ACAP3: variants seen among roughly 807,000 people sequenced by gnomAD.
The protein encoded by ACAP3 is ArfGAP with coiled-coil, ankyrin repeat and PH domains 3, also known as arf-GAP with coiled-coil, ANK repeat and PH domain-containing protein 3.
In ACAP3, 56 loss-of-function variants were observed where a neutral mutation model predicts 104.1. The ratio of observed to expected loss-of-function variants is 0.54; its 90% CI spans 0.43 to 0.67. ACAP3 has a LOEUF of 0.67. Among genes scored for constraint, ACAP3 ranks in the 30% least tolerant of loss-of-function variants. The probability of loss-of-function intolerance (pLI) is 0.00; values close to 1 mark genes in which losing one functional copy is unlikely to be tolerated. For missense variants in ACAP3, 1,208 were observed against 1,174.9 expected, an observed-to-expected ratio of 1.03 and a Z score of -0.41; for synonymous variants, 628 against 496.2, an observed-to-expected ratio of 1.27 and a Z score of -3.53.
chr1:1,304,398 C>A (rs1341485190), intron 1 of ACAP3: 2 of 580,528 alleles, frequency 3.4e-6, no homozygotes, highest in Admixed American at 6.1e-5. Flanking sequence ...CCAGCCTCTC[C>A]CAGGACAGCC....
Position 1,296,060 on chromosome 1 carries a change from T to TG in ACAP3, c.1456dup (p.Gln486ProfsTer3). Reference sequence around the variant, plus strand: ...TTTCCTGCTGCCTGCACCCTCACACTGGGCCTCATAGATCTGATTCACAGC... The same window carrying TG: ...TTTCCTGCTGCCTGCACCCTCACACTGGGGCCTCATAGATCTGATTCACAGC... On this transcript the variant is annotated frameshift_variant, in exon 17 of 24. Coordinates refer to ENST00000354700, the MANE Select transcript of ACAP3 (RefSeq NM_030649.3). LOFTEE classifies it high-confidence loss of function. The TG allele has an allele frequency of 6.2e-7, 1 of 1,612,778 alleles. No individual in the cohort carries two copies. The highest frequency in any genetic ancestry group is 8.5e-7 in the Non-Finnish European group (1 of 1,179,964).
At chr1:1,297,665 G>A (rs183831509) in intron 14 of ACAP3, among the ~76,000 whole-genome samples, 157 bp downstream of exon 14, 13 of 88,402 alleles carry the variant, frequency 1.5e-4, no homozygotes, top group Non-Finnish European at 2.1e-4. Context: ...GTGCACAGGC[G>A]CGGGGCAGGG....
At chr1:1,304,334 A>T (rs1364474688) in intron 1 of ACAP3, 191 bp from the exon 2 acceptor site, 7 of 578,828 alleles carry the variant, frequency 1.2e-5, no homozygotes, top group Non-Finnish European at 1.9e-5. Flanking sequence ...CCGCCCCCCC[A>T]ACCCCAGGCA....
rs1311487986 is a variant in ACAP3 at position 1,303,248 on chromosome 1, C to T, written c.139G>A (p.Gly47Ser). The part of the protein sequence containing the change: ...VKLCSGMVEA[G>S]KAYVSTSRLF... Reference sequence around the variant, plus strand: ...CTGCTGGTGCTGACGTAGGCCTTACCGGCTTCCACCATGCCACTGCACAGC... The same window carrying T: ...CTGCTGGTGCTGACGTAGGCCTTACTGGCTTCCACCATGCCACTGCACAGC... The change falls in exon 3 of 24, where the codon GGT (glycine) becomes AGT (serine). Residue 47 changes from glycine (G) to serine (S), a missense_variant. Physicochemically the swap from Gly to Ser is moderately conservative, Grantham distance 56. Coordinates refer to ENST00000354700, the MANE Select transcript of ACAP3 (RefSeq NM_030649.3). This position sits in a 1 kb window ranked among gnomAD's most constrained non-coding sequence, Gnocchi z 4.0. 1.9e-6 allele frequency: 3 copies of T among 1,600,640 alleles called. No individual in the cohort carries two copies. Among genetic ancestry groups the T allele is most frequent in the Non-Finnish European group, 2.6e-6 (3 of 1,174,706 alleles).
In ACAP3 at chr1:1,295,839, C is replaced by T. The variant is rs374550938; in HGVS notation, c.1602G>A (p.Arg534=). The T allele has an allele frequency of 3.7e-5, 59 of 1,611,302 alleles. No individual in the cohort carries two copies. The Admixed American group carries it at 4.3e-4, about 12-fold the overall frequency. The change falls in exon 18 of 24, where the codon AGG becomes AGA. Residue 534 remains arginine, a synonymous_variant. Transcript: ENST00000354700. ...TGTGGGGCCGCAGGCACTTCTGCACCCTCCAGCGTCTTGGGGCCTCCAGGG... is the reference window on the plus strand; with the variant it reads ...TGTGGGGCCGCAGGCACTTCTGCACTCTCCAGCGTCTTGGGGCCTCCAGGG... The part of the protein sequence containing the change: ...APALEAPRRW[R]VQKCLRPHSS...
At chr1:1,298,700 C>G in intron 10 of ACAP3, 21 bp from the exon 11 acceptor site, 1 of 1,575,018 alleles carries the variant, frequency 6.3e-7, no homozygotes. Flanking sequence ...GGAACCCGCC[C>G]CCTCAGTGCC....
In ACAP3 at chr1:1,296,202, C is replaced by G; in HGVS notation, c.1407+9G>C. On this transcript the variant is annotated intron_variant, in intron 16 of 23. Coordinates refer to ENST00000354700, the MANE Select transcript of ACAP3 (RefSeq NM_030649.3). ...GGGGTCCCGTGGCCTCCAGGAGCCC[C>G]ACACGCACCTTTAGCAGCTCAGGCT... 6.3e-7 allele frequency: 1 copy of G among 1,583,332 alleles called. No homozygotes were observed. The highest frequency in any genetic ancestry group is 8.6e-7 in the Non-Finnish European group (1 of 1,164,196).
chr1:1,296,402 C>T (rs771736917), intron 15 of ACAP3, 23 bp downstream of exon 15: 1 of 1,532,138 alleles, frequency 6.5e-7, no homozygotes, highest in South Asian at 1.2e-5. Context: ...CCCCCACCCC[C>T]AGCCTGGCCC....
intron 9 of ACAP3, chr1:1,299,570 A>C: frequency 2.7e-6 from 2 of 733,608 alleles, no homozygotes; most frequent in South Asian, 3.9e-5. Context: ...ACAGGCAAGC[A>C]AAGGCCCCGC....
chr1:1,299,107 A>G, intron 10 of ACAP3: 1 of 588,554 alleles, frequency 1.7e-6, no homozygotes, highest in Non-Finnish European at 3.0e-6. Context: ...AGCAGAGGGG[A>G]GGGGCGGCCA....
rs575537737 is a variant in ACAP3, at chr1:1,293,981, C to T, written c.2250-48G>A. Reference sequence around the variant, plus strand: ...CGTGTCGGGGCGGGGCGGGGCGGGGCGAGTGTGGTCGCGGGGGCGTGGCCG... The same window carrying T: ...CGTGTCGGGGCGGGGCGGGGCGGGGTGAGTGTGGTCGCGGGGGCGTGGCCG... On this transcript the variant is annotated intron_variant, in intron 22 of 23. Coordinates refer to ENST00000354700, the MANE Select transcript of ACAP3 (RefSeq NM_030649.3). 7.4e-5 allele frequency: 109 copies of T among 1,468,340 alleles called. 1 individual carries two copies. In the South Asian group the frequency reaches 1.3e-3, roughly 18 times the overall value. The allele number at this position is 1,468,340 out of a possible 1,614,324, so 91.0% of individuals were successfully genotyped here.
At chr1:1,299,574 GC>G in intron 9 of ACAP3, 1 of 721,570 alleles carries the variant, frequency 1.4e-6, no homozygotes, top group South Asian at 2.0e-5. Context: ...GCAAGCAAAG[GC>G]CCCGCAAGGA....
At position 1,303,672 on chromosome 1, in the gene ACAP3, G is replaced by A; in HGVS notation, c.106-391C>T. 1.4e-5 allele frequency: 3 copies of A among 217,804 alleles called. No homozygotes were observed. Among genetic ancestry groups the A allele is most frequent in the Middle Eastern group, 1.1e-3 (1 of 928 alleles). The allele number at this position is 217,804 out of a possible 1,614,324, so 13.5% of individuals were successfully genotyped here. On this transcript the variant is annotated intron_variant, in intron 2 of 23. Coordinates refer to ENST00000354700, the MANE Select transcript of ACAP3 (RefSeq NM_030649.3). This position sits in a 1 kb window ranked among gnomAD's most constrained non-coding sequence, Gnocchi z 4.0. ...ACGGCTCCCCTCTCCACGGCCTGTTGCCCCCTCTTTCTCAGCCCATGTGGG... is the reference window on the plus strand; with the variant it reads ...ACGGCTCCCCTCTCCACGGCCTGTTACCCCCTCTTTCTCAGCCCATGTGGG...
chr1:1,293,648 C>G lies in ACAP3; in HGVS notation c.2421G>C (p.Pro807=). ...CCGTGGGGCTGCCCGCCAGGGCGCC[C>G]GGGGGACCAGGGGCAGCCTCGGCCT... ...MREAEAAPGP[P]GALAGSPTEL... The change falls in exon 24 of 24, where the codon CCG becomes CCC. Residue 807 remains proline (P), a synonymous_variant. Transcript: ENST00000354700. 6.8e-7 allele frequency: 1 copy of G among 1,477,936 alleles called. No homozygotes were observed. The allele number at this position is 1,477,936 out of a possible 1,614,324, so 91.6% of individuals were successfully genotyped here. A position where few individuals can be genotyped will look rare whatever the true frequency, so the allele number is the denominator to read the frequency against.
At chr1:1,295,290 C>G (rs988270669) in intron 19 of ACAP3, among the ~76,000 whole-genome samples, 157 bp downstream of exon 19, 3 of 152,162 alleles carry the variant, frequency 2.0e-5, no homozygotes, top group Non-Finnish European at 2.9e-5. Context: ...TCACCCCTGA[C>G]AGTCAGGGCC....
At chr1:1,298,812 C>G in intron 10 of ACAP3, 133 bp from the exon 11 acceptor site, 1 of 689,544 alleles carries the variant, frequency 1.5e-6, no homozygotes. Context: ...CACGCTCAGA[C>G]GAGAGACCCT....
In ACAP3 at chr1:1,294,389, G is replaced by C; in HGVS notation, c.2139+13C>G. ...CACCTGTGTCCTGCGCGCAGCCCCC[G>C]TGGCTCGCTCACCCCTAGCACGGCC... is the stretch of plus-strand genomic sequence containing the variant. On this transcript the variant is annotated intron_variant, in intron 21 of 23. Coordinates refer to ENST00000354700, the MANE Select transcript of ACAP3 (RefSeq NM_030649.3). The C allele has an allele frequency of 6.4e-7, 1 of 1,565,014 alleles. No individual in the cohort carries two copies. Among genetic ancestry groups the C allele is most frequent in the Non-Finnish European group, 8.6e-7 (1 of 1,159,286 alleles).
chr1:1,300,792 A>G (rs1641409548), intron 5 of ACAP3, 100 bp from the exon 6 acceptor site: 2 of 1,333,314 alleles, frequency 1.5e-6, no homozygotes, highest in Non-Finnish European at 2.1e-6. Flanking sequence ...GTTTTTTGAG[A>G]CGGAGTTTCG....
chr1:1,307,887 G>C lies in ACAP3; in HGVS notation c.-72C>G. On this transcript the variant is annotated 5_prime_UTR_variant, in exon 1 of 24. Transcript: ENST00000354700. ...AGCGGCAGCCGCGCCGGCCCGGACC[G>C]CTCGTCCCGCCCGCGCCGCCTCGGC... 5 of 890,202 alleles carry C rather than the reference G, an allele frequency of 5.6e-6. No individual in the cohort carries two copies. The highest frequency in any genetic ancestry group is 6.7e-6 in the Non-Finnish European group (5 of 743,774). The allele number at this position is 890,202 out of a possible 1,614,324, so 55.1% of individuals were successfully genotyped here. A position where few individuals can be genotyped will look rare whatever the true frequency, so the allele number is the denominator to read the frequency against.
Sources: gnomAD v4.1 joint callset for allele counts (sites outside exome capture counted in the v4.1 genomes callset) on GRCh38, gnomAD v4.1.1 for gene constraint, Gnocchi (gnomAD v3.1) non-coding constraint, MANE v1.5 for transcripts, NCBI Gene and HGNC (gene_info 2026-07-23, HGNC 2026-07-21) for gene names.